SOX6: variants seen among roughly 807,000 people sequenced by gnomAD.
SOX6 encodes SRY-box transcription factor 6.
A neutral mutation model predicts 97.8 loss-of-function variants in SOX6; 11 were observed. That is an observed-to-expected ratio of 0.11 (90% CI 0.07 to 0.19). The LOEUF (loss-of-function observed/expected upper bound fraction) is 0.19, where lower values mean the gene tolerates loss of function less well. Among genes scored for constraint, SOX6 ranks in the 10% least tolerant of loss-of-function variants. The pLI is 1.00. For missense variants in SOX6, 810 were observed against 1,039.5 expected, an observed-to-expected ratio of 0.78 and a Z score of 3.04; for synonymous variants, 360 against 371.4, an observed-to-expected ratio of 0.97 and a Z score of 0.35.
chr11:16,496,132 C>T (rs922961003), intron 4 of SOX6, among the ~76,000 whole-genome samples: 1 of 151,958 alleles, frequency 6.6e-6, no homozygotes, highest in African/African-American at 2.4e-5. Flanking sequence ...AATTATTAAA[C>T]CAGATGTGCA....
intron 3 of SOX6, chr11:16,646,240 G>A (rs1849011656): frequency 6.6e-6 from 1 of 152,116 alleles, no homozygotes; most frequent in African/African-American, 2.4e-5. Flanking sequence ...AAACTCTACT[G>A]GCAAAACAAA....
In SOX6 at chr11:16,654,867, A is replaced by G. The variant is rs143880507; in HGVS notation, n.430-42607T>C. On this transcript the variant is annotated intron_variant and non_coding_transcript_variant, in intron 3 of 5. Transcript: ENST00000524520. ...CCTGTTGAGGGACAGTTACTATGAG[A>G]CAAATATTTGATCACCAGACCCTGC... 8.0e-3 allele frequency among the ~76,000 whole-genome samples: 1,211 copies of G among 152,250 alleles called. 18 individuals are homozygous for G. The highest frequency in any genetic ancestry group is 0.026 in the African/African-American group (1,092 of 41,548).
intron 2 of SOX6, among the ~76,000 whole-genome samples, chr11:16,331,413 T>C (rs1367816149): frequency 1.3e-5 from 2 of 152,128 alleles, no homozygotes; most frequent in Non-Finnish European, 2.9e-5. Context: ...CAGATTGCTT[T>C]ATGTGTCATA....
chr11:16,593,107 T>C (rs900997858), intron 4 of SOX6, among the ~76,000 whole-genome samples: 1 of 151,976 alleles, frequency 6.6e-6, no homozygotes, highest in African/African-American at 2.4e-5. Flanking sequence ...GATATTTCTA[T>C]ATCTGCCTAT....
intron 6 of SOX6, among the ~76,000 whole-genome samples, chr11:16,158,272 C>A (rs1046298781): frequency 1.1e-4 from 16 of 152,036 alleles, no homozygotes; most frequent in African/African-American, 3.9e-4. Flanking sequence ...TCTGTACCTT[C>A]TCAAAGCTAG....
At chr11:16,086,982 A>G (rs1277282849) in intron 9 of SOX6, among the ~76,000 whole-genome samples, 1 of 152,204 alleles carries the variant, frequency 6.6e-6, no homozygotes, top group Non-Finnish European at 1.5e-5. Flanking sequence ...TTCTATTCCT[A>G]TATACCAGTC....
intron 4 of SOX6, among the ~76,000 whole-genome samples, chr11:16,482,202 G>A (rs1054647552): frequency 4.6e-5 from 7 of 152,082 alleles, no homozygotes; most frequent in African/African-American, 1.4e-4. Flanking sequence ...AATTTGACAA[G>A]TAATCATTTC....
intron 12 of SOX6, among the ~76,000 whole-genome samples, chr11:16,019,314 T>G (rs1854982167): frequency 6.6e-6 from 1 of 152,134 alleles, no homozygotes. Context: ...ATGTGGTATA[T>G]TTCATTCCAA....
At chr11:16,492,032 A>G (rs1390719665) in intron 4 of SOX6, among the ~76,000 whole-genome samples, 2 of 152,206 alleles carry the variant, frequency 1.3e-5, no homozygotes, top group Non-Finnish European at 2.9e-5. Flanking sequence ...AAAAAAATAC[A>G]CTACCTAAAA....
intron 7 of SOX6, among the ~76,000 whole-genome samples, chr11:16,107,962 C>T (rs991856833): frequency 4.6e-5 from 7 of 152,070 alleles, no homozygotes; most frequent in African/African-American, 1.2e-4. Context: ...TCAGTTTCAC[C>T]GTCAGACTTT....
intron 3 of SOX6, among the ~76,000 whole-genome samples, chr11:16,712,112 C>T (rs1848185902): frequency 6.6e-6 from 1 of 151,804 alleles, no homozygotes; most frequent in African/African-American, 2.4e-5. Flanking sequence ...CACACACACA[C>T]ACACACACAC....
chr11:16,225,620 G>A (rs1033696235), intron 4 of SOX6, among the ~76,000 whole-genome samples: 4 of 152,098 alleles, frequency 2.6e-5, no homozygotes, highest in African/African-American at 9.7e-5. Context: ...AGTAACCTGT[G>A]TTGCAGAACA....
At chr11:16,313,653 TTC>T (rs1273835739) in intron 3 of SOX6, 1 of 152,118 alleles carries the variant, frequency 6.6e-6, no homozygotes, top group Non-Finnish European at 1.5e-5. Context: ...CTATAATTAT[TTC>T]TGTTCTCCCA....
intron 15 of SOX6, among the ~76,000 whole-genome samples, chr11:15,979,645 G>A (rs11023808): frequency 0.33 from 49,318 of 151,718 alleles, 9,471 homozygotes; most frequent in Non-Finnish European, 0.43. Context: ...TGTCATTCTG[G>A]CCTATTTATT....
At chr11:16,508,001 T>A (rs1487820313) in intron 4 of SOX6, among the ~76,000 whole-genome samples, 1 of 151,312 alleles carries the variant, frequency 6.6e-6, no homozygotes, top group Admixed American at 6.6e-5. Context: ...TGGACCAACA[T>A]CCAGAATTTA....
At chr11:16,160,064 G>C (rs894722250) in intron 6 of SOX6, among the ~76,000 whole-genome samples, 9 of 152,140 alleles carry the variant, frequency 5.9e-5, no homozygotes, top group Non-Finnish European at 1.3e-4. Flanking sequence ...TTGCATTAAT[G>C]TAACGTACAA....
At chr11:16,155,116 A>C (rs1850563346) in intron 6 of SOX6, among the ~76,000 whole-genome samples, 1 of 152,098 alleles carries the variant, frequency 6.6e-6, no homozygotes, top group Admixed American at 6.6e-5. Context: ...CTCTATGTTC[A>C]AATTCCCAAC....
chr11:16,217,845 C>T (rs1007894491), intron 4 of SOX6, among the ~76,000 whole-genome samples: 1 of 152,050 alleles, frequency 6.6e-6, no homozygotes, highest in Admixed American at 6.6e-5. Context: ...CATTGCATTC[C>T]CATGATTGAC....
chr11:16,697,530 A>G (rs1018066509), intron 3 of SOX6, among the ~76,000 whole-genome samples: 1 of 152,168 alleles, frequency 6.6e-6, no homozygotes, highest in African/African-American at 2.4e-5. Flanking sequence ...GCTACTCAGG[A>G]GGCTGAGGCA....
Sources: allele counts gnomAD v4.1 joint callset (sites outside exome capture counted in the v4.1 genomes callset), GRCh38; gene constraint gnomAD v4.1.1; transcripts MANE v1.5; gene names NCBI Gene and HGNC (gene_info 2026-07-23, HGNC 2026-07-21).